MMP20: variants seen among roughly 807,000 people sequenced by gnomAD.
MMP20 encodes matrix metalloproteinase-20.
MMP20 carries 50 observed loss-of-function variants against 51.8 expected under a neutral mutation model. That is an observed-to-expected ratio of 0.97 (90% CI 0.77 to 1.22). The LOEUF is 1.22. MMP20 is among the 50% of genes most tolerant of loss of function. The probability of loss-of-function intolerance (pLI) is 0.00; values close to 1 mark genes in which losing one functional copy is unlikely to be tolerated. For synonymous variants in MMP20, 244 were observed against 216.2 expected, an observed-to-expected ratio of 1.13 and a Z score of -1.13; for missense variants, 663 against 601.4, an observed-to-expected ratio of 1.10 and a Z score of -1.07.
At chr11:102,613,497 C>T (rs1195195147) in intron 2 of MMP20, among the ~76,000 whole-genome samples, 3 of 152,112 alleles carry the variant, frequency 2.0e-5, no homozygotes, top group Non-Finnish European at 2.9e-5. Context: ...CAGTGGCTCT[C>T]GAAGTTTAGG....
chr11:102,590,351 G>A (rs188092524), intron 8 of MMP20, among the ~76,000 whole-genome samples: 7 of 152,250 alleles, frequency 4.6e-5, no homozygotes, highest in African/African-American at 7.2e-5. Context: ...AGCATGTAAC[G>A]GCATCAACAT....
At chr11:102,604,721 G>T (rs1468919441) in intron 6 of MMP20, among the ~76,000 whole-genome samples, 1 of 152,052 alleles carries the variant, frequency 6.6e-6, no homozygotes, top group African/African-American at 2.4e-5. Context: ...AATCCAGTAT[G>T]GGATTGATTA....
At position 102,610,002 on chromosome 11, in the gene MMP20, C is replaced by T. The variant is rs1859576320; in HGVS notation, c.552G>A (p.Gly184=). ...GDHGDSYPFD[G]PRGTLAHAFA... ...ATGCATGGGCTAGAGTCCCCCGAGG[C>T]CCATCGAATGGATAGGAATCCCCGT... Residue 184 remains glycine, a synonymous_variant, in exon 4 of 10, where the codon GGG becomes GGA. Transcript: ENST00000260228. 1 of 1,614,066 alleles carries T rather than the reference C, an allele frequency of 6.2e-7. No individual in the cohort carries two copies. The highest frequency in any genetic ancestry group is 8.5e-7 in the Non-Finnish European group (1 of 1,180,024).
chr11:102,583,946 C>G (rs989774866), intron 8 of MMP20, among the ~76,000 whole-genome samples: 8 of 152,166 alleles, frequency 5.3e-5, no homozygotes, highest in African/African-American at 1.9e-4. Context: ...CATGTCGTAC[C>G]ATGTACCAGC....
intron 6 of MMP20, among the ~76,000 whole-genome samples, chr11:102,599,187 T>C (rs542571786): frequency 3.5e-4 from 53 of 152,218 alleles, no homozygotes; most frequent in African/African-American, 1.2e-3. Context: ...CAGCTAATTT[T>C]TGTATTTTTT....
chr11:102,593,467 G>T lies in MMP20; in HGVS notation c.1219C>A (p.Leu407Ile), dbSNP rs150191942. 1 of 1,614,162 alleles carries T rather than the reference G, an allele frequency of 6.2e-7. No individual in the cohort carries two copies. The highest frequency in any genetic ancestry group is 1.7e-5 in the Admixed American group (1 of 60,012). ...AVYLREPQKT[L>I]FFVGDEYYSY... Reference sequence around the variant, plus strand: ...TAGTATTCATCTCCCACAAAGAAAAGGGTCTTCTGTGGCTCCCTGAGGTAG... The same window carrying T: ...TAGTATTCATCTCCCACAAAGAAAATGGTCTTCTGTGGCTCCCTGAGGTAG... The change falls in exon 8 of 10, where the codon CTT (leucine) becomes ATT (isoleucine). Residue 407 changes from leucine (L) to isoleucine (I), a missense_variant. Coordinates refer to ENST00000260228, the MANE Select transcript of MMP20 (RefSeq NM_004771.4).
At chr11:102,616,713 G>C in intron 2 of MMP20, 99 bp downstream of exon 2, 2 of 1,506,556 alleles carry the variant, frequency 1.3e-6, no homozygotes, top group Non-Finnish European at 1.8e-6. Context: ...GAGGTGTCAG[G>C]ATTTTTATAC....
At chr11:102,599,244 T>G (rs1443553736) in intron 6 of MMP20, among the ~76,000 whole-genome samples, 1 of 152,140 alleles carries the variant, frequency 6.6e-6, no homozygotes, top group Non-Finnish European at 1.5e-5. Context: ...GGTCTTGAAT[T>G]CCTGACCTCA....
At chr11:102,614,314 G>A (rs1287812574) in intron 2 of MMP20, among the ~76,000 whole-genome samples, 1 of 152,196 alleles carries the variant, frequency 6.6e-6, no homozygotes, top group East Asian at 1.9e-4. Context: ...GCAGAGTACT[G>A]TGATAGCCTC....
chr11:102,578,221 G>A (rs746407240), intron 9 of MMP20, among the ~76,000 whole-genome samples: 11 of 151,336 alleles, frequency 7.3e-5, no homozygotes, highest in Middle Eastern at 3.4e-3. Flanking sequence ...ACAGTTCACC[G>A]CAGCCTCGAC....
intron 8 of MMP20, among the ~76,000 whole-genome samples, chr11:102,587,781 C>T (rs948403292): frequency 4.6e-5 from 7 of 152,110 alleles, no homozygotes; most frequent in Non-Finnish European, 8.8e-5. Flanking sequence ...CTTATGGTTG[C>T]TATTTGCATG....
intron 6 of MMP20, among the ~76,000 whole-genome samples, chr11:102,596,688 G>T (rs896130554): frequency 2.0e-5 from 3 of 152,200 alleles, no homozygotes; most frequent in African/African-American, 7.2e-5. Flanking sequence ...GTCACTGGTG[G>T]TGAGGGGCAG....
rs756904716 is a variant in MMP20 at position 102,593,544 on chromosome 11, G to A, written c.1142C>T (p.Thr381Ile). 5 of 1,614,004 alleles carry A rather than the reference G, an allele frequency of 3.1e-6. No individual in the cohort carries two copies. The African/African-American group carries it at 6.7e-5, about 22-fold the overall frequency. Residue 381 changes from threonine to isoleucine, a missense_variant, in exon 8 of 10, where the codon ACT (threonine) becomes ATT (isoleucine). Thr to Ile is a moderately conservative substitution (Grantham distance 89). Coordinates refer to ENST00000260228, the MANE Select transcript of MMP20 (RefSeq NM_004771.4). ...RGFQMQGPPRTIYDFGFPRHV... is the reference protein window; with the variant it reads ...RGFQMQGPPRIIYDFGFPRHV... Reference sequence around the variant, plus strand: ...CCTTGGAAATCCAAAGTCATAAATAGTCCGAGGAGGACCTTGCATTTGGAA... The same window carrying A: ...CCTTGGAAATCCAAAGTCATAAATAATCCGAGGAGGACCTTGCATTTGGAA...
At chr11:102,610,109 G>T (rs191498540) in intron 3 of MMP20, 79 bp from the exon 4 acceptor site, 600 of 1,490,828 alleles carry the variant, frequency 4.0e-4, no homozygotes, top group Middle Eastern at 1.9e-3. Flanking sequence ...ACAGAAAAGG[G>T]ACATTTTGAG....
intron 2 of MMP20, among the ~76,000 whole-genome samples, chr11:102,612,489 A>T (rs929523487): frequency 1.3e-5 from 2 of 152,138 alleles, no homozygotes; most frequent in Non-Finnish European, 2.9e-5. Flanking sequence ...AATAAATAAG[A>T]TAAATAAAAC....
intron 8 of MMP20, among the ~76,000 whole-genome samples, chr11:102,593,153 C>T (rs778887168): frequency 7.9e-5 from 12 of 152,102 alleles, no homozygotes; most frequent in African/African-American, 1.7e-4. Context: ...GCTGCATCTA[C>T]GCTTTTAGGC....
At chr11:102,578,658 T>C (rs7934655) in intron 9 of MMP20, among the ~76,000 whole-genome samples, 95,237 of 151,974 alleles carry the variant, frequency 0.63, 30,482 homozygotes, top group East Asian at 0.76. Context: ...ATCGCTCGAA[T>C]CTGGGAGGCA....
intron 8 of MMP20, among the ~76,000 whole-genome samples, chr11:102,589,288 A>G (rs1565390642): frequency 6.6e-6 from 1 of 151,988 alleles, no homozygotes; most frequent in African/African-American, 2.4e-5. Flanking sequence ...CTCCTACACA[A>G]CTCTCAAAGT....
At position 102,596,927 on chromosome 11, in the gene MMP20, T is replaced by A. The variant is rs76625212; in HGVS notation, c.954-2170A>T. 6.1e-3 allele frequency among the ~76,000 whole-genome samples: 936 copies of A among 152,342 alleles called. 25 individuals carry two copies. In the East Asian group the frequency reaches 0.083, roughly 13 times the overall value. Reference sequence around the variant, plus strand: ...TTTTGGGTATCCAGAATCCCGCAACTACTTCTTGGATTAATTGGGAACCTG... The same window carrying A: ...TTTTGGGTATCCAGAATCCCGCAACAACTTCTTGGATTAATTGGGAACCTG... On this transcript the variant is annotated intron_variant, in intron 6 of 9. Coordinates refer to ENST00000260228, the MANE Select transcript of MMP20 (RefSeq NM_004771.4).
Sources: allele counts gnomAD v4.1 joint callset (sites outside exome capture counted in the v4.1 genomes callset), GRCh38; gene constraint gnomAD v4.1.1; transcripts MANE v1.5; gene names NCBI Gene and HGNC (gene_info 2026-07-23, HGNC 2026-07-21).